The following MALRD1 variants were observed in gnomAD, a reference collection of about 807,000 sequenced individuals.
MALRD1 encodes the protein MAM and LDL-receptor class A domain-containing protein 1.
MALRD1 carries 247 observed loss-of-function variants against 242.1 expected under a neutral mutation model. The observed-to-expected ratio is 1.02, with a 90% CI of 0.92 to 1.13. The LOEUF is 1.13. MALRD1 is among the 50% of genes most tolerant of loss of function. The probability of loss-of-function intolerance (pLI) is 0.00; values close to 1 mark genes in which losing one functional copy is unlikely to be tolerated. For missense variants in MALRD1, 2,989 were observed against 2,533.1 expected (o/e 1.18, Z -3.86); for synonymous variants, 995 against 866.6 (o/e 1.15, Z -2.60).
At chr10:19,563,569 A>T (rs199876274) in intron 32 of MALRD1, among the ~76,000 whole-genome samples, 1 of 152,194 alleles carries the variant, frequency 6.6e-6, no homozygotes, top group Non-Finnish European at 1.5e-5. Context: ...CTACATACCT[A>T]GTGAAATGCA....
In MALRD1 at chr10:19,113,792, T is replaced by TACACACACACACAC. The variant is rs753384799; in HGVS notation, c.695-9674_695-9661dup. The stretch of plus-strand genomic sequence containing the variant: ...CCTCCACATTGCCACTACCACCCCC[T>TACACACACACACAC]ACACACACACACACACACACACACA... On this transcript the variant is annotated intron_variant, in intron 5 of 39. Transcript: ENST00000454679. Among the ~76,000 whole-genome samples, 251 of 134,540 alleles carry TACACACACACACAC rather than the reference T, an allele frequency of 1.9e-3. 3 individuals are homozygous for TACACACACACACAC. Among genetic ancestry groups the TACACACACACACAC allele is most frequent in the African/African-American group, 3.5e-3 (121 of 34,816 alleles). 88.3% of individuals were successfully genotyped at this position (134,540 alleles called of 152,430 possible). A position where few individuals can be genotyped will look rare whatever the true frequency, so the allele number is the denominator to read the frequency against.
intron 27 of MALRD1, 132 bp from the exon 28 acceptor site, chr10:19,389,320 G>C (rs1438771855): frequency 2.0e-6 from 2 of 1,010,114 alleles, no homozygotes; most frequent in Non-Finnish European, 3.0e-6. Flanking sequence ...TTTTCTTTCT[G>C]TTCCAAATGA....
chr10:19,187,627 C>T (rs7077017), intron 14 of MALRD1, among the ~76,000 whole-genome samples: 65,403 of 151,814 alleles, frequency 0.43, 14,502 homozygotes, highest in Admixed American at 0.5. Context: ...GTTCCCAACA[C>T]TGGCTGTGTG....
intron 28 of MALRD1, among the ~76,000 whole-genome samples, chr10:19,425,740 G>C (rs1226921512): frequency 5.9e-5 from 9 of 152,138 alleles, no homozygotes; most frequent in African/African-American, 2.2e-4. Context: ...TCCATTTCTT[G>C]ATAGAACAAA....
At chr10:19,105,516 C>T (rs1836433075) in intron 5 of MALRD1, among the ~76,000 whole-genome samples, 1 of 151,932 alleles carries the variant, frequency 6.6e-6, no homozygotes, top group Non-Finnish European at 1.5e-5. Flanking sequence ...GAATTCGTAT[C>T]TCTTTGATTT....
chr10:19,706,678 G>T (rs28452201), intron 38 of MALRD1, among the ~76,000 whole-genome samples: 1 of 151,994 alleles, frequency 6.6e-6, no homozygotes, highest in Non-Finnish European at 1.5e-5. Flanking sequence ...AAAAAGGGCC[G>T]AGTGTTGTCT....
At chr10:19,111,749 A>C (rs977949723) in intron 5 of MALRD1, among the ~76,000 whole-genome samples, 1 of 152,220 alleles carries the variant, frequency 6.6e-6, no homozygotes, top group African/African-American at 2.4e-5. Flanking sequence ...CAGGATTCAG[A>C]TGAGGTCACC....
chr10:19,600,084 G>A (rs1462538099), intron 34 of MALRD1, among the ~76,000 whole-genome samples: 6 of 152,206 alleles, frequency 3.9e-5, no homozygotes, highest in Non-Finnish European at 7.4e-5. Flanking sequence ...TTCCAGTAGC[G>A]GTGGATGTGT....
chr10:19,157,833 AC>A (rs1192673086), intron 12 of MALRD1, among the ~76,000 whole-genome samples: 25 of 152,178 alleles, frequency 1.6e-4, no homozygotes, highest in African/African-American at 6.0e-4. Context: ...TTTTGAAAGG[AC>A]TTTAAAGCAA....
chr10:19,560,733 G>A (rs979448013), intron 32 of MALRD1, among the ~76,000 whole-genome samples: 2 of 152,226 alleles, frequency 1.3e-5, no homozygotes, highest in South Asian at 4.1e-4. Flanking sequence ...AACAGCACAT[G>A]TTCTCACTTA....
chr10:19,649,479 A>G (rs1291798377), intron 36 of MALRD1, among the ~76,000 whole-genome samples: 2 of 152,250 alleles, frequency 1.3e-5, no homozygotes, highest in East Asian at 3.9e-4. Flanking sequence ...TCTTTCTCTA[A>G]TGATCAGTGA....
intron 38 of MALRD1, chr10:19,710,927 A>T (rs1834081935): frequency 6.6e-6 from 1 of 152,210 alleles, no homozygotes; most frequent in South Asian, 2.1e-4. Flanking sequence ...GATGGCTCTT[A>T]AAAGAGGTGA....
chr10:19,084,062 A>C (rs573227219), intron 2 of MALRD1, among the ~76,000 whole-genome samples: 1 of 152,018 alleles, frequency 6.6e-6, no homozygotes, highest in South Asian at 2.1e-4. Flanking sequence ...AGTCAGACAT[A>C]AGTTGATATG....
intron 26 of MALRD1, among the ~76,000 whole-genome samples, chr10:19,379,424 G>A (rs976514417): frequency 9.2e-5 from 14 of 152,142 alleles, no homozygotes; most frequent in African/African-American, 2.9e-4. Context: ...TTAAATGTAA[G>A]CACTTATAGC....
intron 31 of MALRD1, among the ~76,000 whole-genome samples, chr10:19,506,725 G>T (rs1032570290): frequency 1.3e-5 from 2 of 152,032 alleles, no homozygotes; most frequent in Non-Finnish European, 2.9e-5. Context: ...TAATAAAAAA[G>T]AAGTCATTAT....
intron 32 of MALRD1, among the ~76,000 whole-genome samples, chr10:19,550,135 T>C (rs1203344048): frequency 6.6e-6 from 1 of 152,186 alleles, no homozygotes; most frequent in Non-Finnish European, 1.5e-5. Context: ...AGTGATCTAT[T>C]TCCTCAGTCC....
chr10:19,138,140 A>G lies in MALRD1; in HGVS notation c.1411+1359A>G. Among the ~76,000 whole-genome samples the G allele has an allele frequency of 1.5e-5, 2 of 129,592 alleles. 1 individual carries two copies. The highest frequency in any genetic ancestry group is 4.8e-4 in the East Asian group (2 of 4,172). 85.0% of individuals were successfully genotyped at this position (129,592 alleles called of 152,430 possible). On this transcript the variant is annotated intron_variant, in intron 10 of 39. Coordinates refer to ENST00000454679, the MANE Select transcript of MALRD1 (RefSeq NM_001142308.3). ...AAAATCCCCTTCTGCCATGTTCATC[A>G]ACAGCAATCCAGTTAATACTTCAGC...
chr10:19,298,760 C>T lies in MALRD1; in HGVS notation c.3419+15579C>T, dbSNP rs115449377. Among the ~76,000 whole-genome samples, 353 of 152,016 alleles carry T rather than the reference C, an allele frequency of 2.3e-3. 1 individual carries two copies. The highest frequency in any genetic ancestry group is 8.0e-3 in the African/African-American group (332 of 41,498). On this transcript the variant is annotated intron_variant, in intron 21 of 39. Coordinates refer to ENST00000454679, the MANE Select transcript of MALRD1 (RefSeq NM_001142308.3). ...AAGTTAAGAGTGCAGAGTTTTGGCT[C>T]ACAGGAATAGAAAACCTCAAAGCAC...
In MALRD1 at chr10:19,283,175, A is replaced by G. The variant is rs1840905332; in HGVS notation, c.3413A>G (p.His1138Arg). 3 of 1,541,244 alleles carry G rather than the reference A, an allele frequency of 1.9e-6. No individual in the cohort carries two copies. The highest frequency in any genetic ancestry group is 2.5e-5 in the East Asian group (1 of 40,572). Residue 1138 changes from histidine (H) to arginine (R), a missense_variant, in exon 21 of 40, where the codon CAT (histidine) becomes CGT (arginine). His to Arg is a conservative substitution (Grantham distance 29). Coordinates refer to ENST00000454679, the MANE Select transcript of MALRD1 (RefSeq NM_001142308.3). ...GEENHRPSVD[H>R]TQNTTDGWYL... ...GAAAACCACAGGCCATCAGTGGATC[A>G]TACACAGTAAGTGACCATGTATTTT...
Sources: gnomAD v4.1 joint callset for allele counts (sites outside exome capture counted in the v4.1 genomes callset) on GRCh38, gnomAD v4.1.1 for gene constraint, MANE v1.5 for transcripts, NCBI Gene and HGNC (gene_info 2026-07-23, HGNC 2026-07-21) for gene names.